TPM3: variants seen among roughly 807,000 people sequenced by gnomAD.
TPM3 encodes tropomyosin 3, also known as tropomyosin alpha-3 chain.
A neutral mutation model predicts 43.1 loss-of-function variants in TPM3; 16 were observed. The ratio of observed to expected loss-of-function variants is 0.37; its 90% confidence interval spans 0.25 to 0.56. The LOEUF is 0.56. Ranked by LOEUF, TPM3 falls within the 20% of genes least tolerant of loss-of-function variation. TPM3 has a pLI of 0.77. For synonymous variants in TPM3, 101 were observed against 116.9 expected (o/e 0.86, Z 0.88); for missense variants, 176 against 337.2 (o/e 0.52, Z 3.74).
chr1:154,174,714 T>G (rs1662103162), intron 3 of TPM3, among the ~76,000 whole-genome samples: 1 of 151,250 alleles, frequency 6.6e-6, no homozygotes, highest in South Asian at 2.1e-4. Context: ...GGGGTGGTCT[T>G]GAACTCCTGG....
chr1:154,170,241 G>A, intron 8 of TPM3, 159 bp downstream of exon 8: 1 of 733,772 alleles, frequency 1.4e-6, no homozygotes, highest in Non-Finnish European at 2.4e-6. Context: ...TCTAGAGTTT[G>A]ACCCACTTTG....
At position 154,169,612 on chromosome 1, in the gene TPM3, G is replaced by C. The variant is rs560625955; in HGVS notation, c.776-229C>G. The C allele has an allele frequency of 5.1e-4, 302 of 597,390 alleles. 4 individuals carry two copies. The Middle Eastern group carries it at 6.2e-3, about 12-fold the overall frequency. 37.0% of individuals were successfully genotyped at this position (597,390 alleles called of 1,614,324 possible). On this transcript the variant is annotated intron_variant, in intron 8 of 9. Coordinates refer to ENST00000651641, the MANE Select transcript of TPM3 (RefSeq NM_152263.4). Reference sequence around the variant, plus strand: ...CCAAATCGACTGCAGCAAGGGCTGAGAACCTGGGCACAGTCATAACTAGAA... The same window carrying C: ...CCAAATCGACTGCAGCAAGGGCTGACAACCTGGGCACAGTCATAACTAGAA...
At chr1:154,172,243 T>A (rs1383241278) in intron 5 of TPM3, 3 of 832,510 alleles carry the variant, frequency 3.6e-6, no homozygotes. Context: ...ACCATGGTCA[T>A]GATATGTTAT....
Position 154,167,432 on chromosome 1 carries a change from C to T in TPM3, c.*505G>A. 9.3e-7 allele frequency: 1 copy of T among 1,069,862 alleles called. No homozygotes were observed. Among genetic ancestry groups the T allele is most frequent in the South Asian group, 4.3e-5 (1 of 23,140 alleles). 66.3% of individuals were successfully genotyped at this position (1,069,862 alleles called of 1,614,324 possible). On this transcript the variant is annotated 3_prime_UTR_variant, in exon 10 of 10. Transcript: ENST00000651641. ...ATGACACCACACCAAAGGAGGAATA[C>T]CTGAAGAGAGAATGGAAACACTGCA...
chr1:154,183,545 C>T (rs188484522), intron 2 of TPM3: 1 of 356,114 alleles, frequency 2.8e-6, no homozygotes, highest in Non-Finnish European at 5.5e-6. Context: ...ATGCCGATAC[C>T]CGTCACCCCT....
intron 9 of TPM3, among the ~76,000 whole-genome samples, 169 bp from the exon 10 acceptor site, chr1:154,168,109 A>G (rs1661182100): frequency 6.6e-6 from 1 of 152,212 alleles, no homozygotes; most frequent in Non-Finnish European, 1.5e-5. Context: ...TTAGTGGGAA[A>G]GATACAAAGA....
At chr1:154,160,432 T>C (rs1402905985), downstream of TPM3, among the ~76,000 whole-genome samples, 4 of 152,232 alleles carry the variant, frequency 2.6e-5, no homozygotes, top group Admixed American at 2.6e-4. Flanking sequence ...CTTGCCACTT[T>C]ATGTACACTA....
At position 154,167,465 on chromosome 1, in the gene TPM3, T is replaced by C. The variant is rs756146584; in HGVS notation, c.*472A>G. ...GAGAATGGAAACACTGCAGGCAGGA[T>C]GATTTAAGAACCTGGAAATAAGGAA... On this transcript the variant is annotated 3_prime_UTR_variant, in exon 10 of 10. Coordinates refer to ENST00000651641, the MANE Select transcript of TPM3 (RefSeq NM_152263.4). 4.6e-6 allele frequency: 5 copies of C among 1,077,916 alleles called. No homozygotes were observed. The highest frequency in any genetic ancestry group is 5.6e-6 in the Non-Finnish European group (5 of 885,808). 66.8% of individuals were successfully genotyped at this position (1,077,916 alleles called of 1,614,324 possible).
intron 2 of TPM3, among the ~76,000 whole-genome samples, chr1:154,185,348 G>A (rs1231339420): frequency 2.1e-5 from 3 of 144,812 alleles, no homozygotes; most frequent in East Asian, 2.0e-4. Flanking sequence ...ACTCCAGCCC[G>A]GGTGACAGAG....
chr1:154,164,366 GC>G lies in TPM3; in HGVS notation c.*3570del, dbSNP rs1469056141. On this transcript the variant is annotated 3_prime_UTR_variant, in exon 10 of 10. Transcript: ENST00000651641. Reference sequence around the variant, plus strand: ...TGTAGAGACAGGTTCTCACTTTATTGCCAGGCTGGTCTCGAACTCCTGGATT... The same window carrying G: ...TGTAGAGACAGGTTCTCACTTTATTGCAGGCTGGTCTCGAACTCCTGGATT... Among the ~76,000 whole-genome samples the G allele has an allele frequency of 6.6e-6, 1 of 151,942 alleles. No homozygotes were observed. The highest frequency in any genetic ancestry group is 1.5e-5 in the Non-Finnish European group (1 of 67,990).
chr1:154,182,876 T>C, intron 2 of TPM3: 1 of 1,555,158 alleles, frequency 6.4e-7, no homozygotes, highest in Non-Finnish European at 8.8e-7. Flanking sequence ...CAACTTCATC[T>C]CCGAGCCCGC....
At chr1:154,178,118 C>G (rs371040856) in intron 2 of TPM3, 98 of 985,392 alleles carry the variant, frequency 9.9e-5, no homozygotes, top group Non-Finnish European at 1.1e-4. Flanking sequence ...ACTTACCCCC[C>G]TCAGACGAAA....
At chr1:154,171,010 A>G (rs1213101716) in intron 6 of TPM3, 3 of 528,066 alleles carry the variant, frequency 5.7e-6, no homozygotes, top group Non-Finnish European at 1.0e-5. Flanking sequence ...GATGAGCAAG[A>G]GTAGTAGCAC....
intron 1 of TPM3, 59 bp from the exon 2 acceptor site, chr1:154,191,370 A>C (rs1571455802): frequency 6.2e-7 from 1 of 1,610,432 alleles, no homozygotes; most frequent in Non-Finnish European, 8.5e-7. Flanking sequence ...GCAGGGTTGG[A>C]CCCTGGGCTC....
intron 3 of TPM3, among the ~76,000 whole-genome samples, chr1:154,174,368 G>GTGTATGTA (rs1389219269): frequency 2.2e-5 from 1 of 46,354 alleles, no homozygotes; most frequent in Non-Finnish European, 4.3e-5. Flanking sequence ...AAATATATGT[G>GTGTATGTA]TATATATATA....
chr1:154,161,131 TA>T (rs953940037), downstream of TPM3, among the ~76,000 whole-genome samples: 2,863 of 85,082 alleles, frequency 0.034, 92 homozygotes, highest in African/African-American at 0.1. Flanking sequence ...ATGCAAATAT[TA>T]AAAAAAAAAA....
rs1207872451 is a variant in TPM3 at position 154,164,922 on chromosome 1, C to G, written c.*3015G>C. Among the ~76,000 whole-genome samples the G allele has an allele frequency of 6.6e-6, 1 of 152,226 alleles. No homozygotes were observed. Among genetic ancestry groups the G allele is most frequent in the Non-Finnish European group, 1.5e-5 (1 of 68,036 alleles). ...ATATGTTATTCAGATCACAACATAT[C>G]CTATTCAAAATCTCCAGTGGCATCC... On this transcript the variant is annotated 3_prime_UTR_variant, in exon 10 of 10. Transcript: ENST00000651641.
chr1:154,161,131 T>TAA (rs953940037), downstream of TPM3, among the ~76,000 whole-genome samples: 54 of 85,070 alleles, frequency 6.3e-4, no homozygotes, highest in African/African-American at 1.6e-3. Flanking sequence ...ATGCAAATAT[T>TAA]AAAAAAAAAA....
chr1:154,172,910 C>G lies in TPM3; in HGVS notation c.564G>C (p.Glu188Asp), dbSNP rs781154420. The change falls in exon 5 of 10, where the codon GAG becomes GAC. Residue 188 changes from glutamate to aspartate, a missense_variant and splice_region_variant. Glu to Asp is a conservative substitution (Grantham distance 45). Coordinates refer to ENST00000651641, the MANE Select transcript of TPM3 (RefSeq NM_152263.4). ...GATTTGGGGAGCTAGATACTCACGA[C>G]TCTGCCAGCTCAGCTCGTTCCTCTG... Reference protein sequence around the residue: ...ERTEERAELAESKCSELEEEL... With the variant: ...ERTEERAELADSKCSELEEEL... 1 of 1,614,194 alleles carries G rather than the reference C, an allele frequency of 6.2e-7. No homozygotes were observed.
Sources: gnomAD v4.1 joint callset for allele counts (sites outside exome capture counted in the v4.1 genomes callset) on GRCh38, gnomAD v4.1.1 for gene constraint, MANE v1.5 for transcripts, NCBI Gene and HGNC (gene_info 2026-07-23, HGNC 2026-07-21) for gene names.